The following ABCG1 variants were observed in gnomAD, a reference collection of about 807,000 sequenced individuals.
The protein encoded by ABCG1 is ATP-binding cassette sub-family G member 1.
In ABCG1, 29 loss-of-function variants were observed where a neutral mutation model predicts 69.2. That is an observed-to-expected ratio of 0.42 (90% confidence interval 0.31 to 0.57). The LOEUF (loss-of-function observed/expected upper bound fraction) is 0.57. ABCG1 is among the 20% of genes least tolerant of loss of function. The pLI is 0.15. For missense variants in ABCG1, 718 were observed against 898.1 expected (o/e 0.80, Z 2.56); for synonymous variants, 370 against 374.8 (o/e 0.99, Z 0.15).
At chr21:42,201,932 G>T (rs1268713160) in intron 2 of ABCG1, among the ~76,000 whole-genome samples, 2 of 152,166 alleles carry the variant, frequency 1.3e-5, no homozygotes, top group African/African-American at 2.4e-5. Flanking sequence ...GCCCTTCAGG[G>T]TCATCCCTCC....
chr21:42,283,178 C>A (rs987808969), intron 6 of ABCG1, among the ~76,000 whole-genome samples: 1 of 152,172 alleles, frequency 6.6e-6, no homozygotes, highest in Admixed American at 6.5e-5. Context: ...CAAAGTCCAG[C>A]GAGATTTGAC....
In ABCG1 at chr21:42,291,189, T is replaced by G; in HGVS notation, c.1491T>G (p.Phe497Leu). Reference protein sequence around the residue: ...YLAKTMADVPFQIMFPVAYCS... With the variant: ...YLAKTMADVPLQIMFPVAYCS... ...CCAAGACCATGGCAGACGTGCCCTT[T>G]CAGGTGTGTTAGCCAGGGGCTGGAA... is the stretch of plus-strand genomic sequence containing the variant. Residue 497 changes from phenylalanine to leucine, a missense_variant, in exon 12 of 15, where the codon TTT becomes TTG. Phe to Leu is a conservative substitution (Grantham distance 22). This residue lies in a region of ABCG1 where 204 missense variants were observed against 323.8 expected (regional missense o/e 0.63). Coordinates refer to ENST00000398449, the MANE Select transcript of ABCG1 (RefSeq NM_016818.3). The surrounding 1 kb of genome is among the most constrained non-coding windows in gnomAD (Gnocchi z 6.4). The G allele has an allele frequency of 6.2e-7, 1 of 1,612,254 alleles. No homozygotes were observed. Among genetic ancestry groups the G allele is most frequent in the South Asian group, 1.1e-5 (1 of 90,888 alleles).
chr21:42,283,253 C>T (rs2068847010), intron 6 of ABCG1, among the ~76,000 whole-genome samples: 1 of 152,184 alleles, frequency 6.6e-6, no homozygotes. Context: ...TCTCTTGGGC[C>T]TGCACAGTAA....
Position 42,283,657 on chromosome 21 carries a change from C to T in ABCG1, c.735-903C>T, listed in dbSNP as rs998105682. Reference sequence around the variant, plus strand: ...TGCCTGGACAGTTGTGAAGTCCCCCCCCACCCAAATGAGTGGGGAACCCCC... The same window carrying T: ...TGCCTGGACAGTTGTGAAGTCCCCCTCCACCCAAATGAGTGGGGAACCCCC... On this transcript the variant is annotated intron_variant, in intron 6 of 14. Coordinates refer to ENST00000398449, the MANE Select transcript of ABCG1 (RefSeq NM_016818.3). Among the ~76,000 whole-genome samples the T allele has an allele frequency of 4.4e-4, 64 of 145,326 alleles. 2 individuals are homozygous for T. The highest frequency in any genetic ancestry group is 1.6e-3 in the African/African-American group (64 of 39,948).
In ABCG1 at chr21:42,287,908, C is replaced by T. The variant is rs56140811; in HGVS notation, c.993C>T (p.Gly331=). 47,929 of 1,596,190 alleles carry T rather than the reference C, an allele frequency of 0.03. 864 individuals are homozygous for T. The highest frequency in any genetic ancestry group is 0.035 in the Non-Finnish European group (41,212 of 1,169,080). ...CTGCAGTCATGGAGGTTGCATCCGG[C>T]GAGTACGGTGATCAGAACAGTCGGC... ...PADFVMEVAS[G]EYGDQNSRLV... Residue 331 remains glycine (G), a synonymous_variant, in exon 9 of 15, where the codon GGC becomes GGT. Coordinates refer to ENST00000398449, the MANE Select transcript of ABCG1 (RefSeq NM_016818.3). This position sits in a 1 kb window ranked among gnomAD's most constrained non-coding sequence, Gnocchi z 6.2.
chr21:42,201,155 G>T (rs1431949396), intron 1 of ABCG1, among the ~76,000 whole-genome samples: 1 of 152,000 alleles, frequency 6.6e-6, no homozygotes, highest in East Asian at 1.9e-4. Context: ...ATACGTGTCT[G>T]CAAGCAGTTG....
chr21:42,294,420 T>G, intron 13 of ABCG1, 122 bp from the exon 14 acceptor site: 1 of 769,972 alleles, frequency 1.3e-6, no homozygotes, highest in Non-Finnish European at 2.3e-6. Context: ...TTAAGCATCA[T>G]CATTACCCTG....
At chr21:42,219,087 G>A (rs1174313200), upstream of ABCG1, 4 of 436,782 alleles carry the variant, frequency 9.2e-6, no homozygotes, top group African/African-American at 2.1e-5. The surrounding 1 kb of genome is among the most constrained non-coding windows in gnomAD (Gnocchi z 5.3). Flanking sequence ...CCAATCGCGC[G>A]CTCGGGGCGG....
Position 42,291,605 on chromosome 21 carries a change from G to A in ABCG1, c.1602G>A (p.Leu534=), listed in dbSNP as rs1418513265. The A allele has an allele frequency of 6.2e-7, 1 of 1,610,312 alleles. No individual in the cohort carries two copies. Among genetic ancestry groups the A allele is most frequent in the South Asian group, 1.1e-5 (1 of 91,080 alleles). The change falls in exon 13 of 15, where the codon CTG becomes CTA. Residue 534 remains leucine, a synonymous_variant. Transcript: ENST00000398449. This position sits in a 1 kb window ranked among gnomAD's most constrained non-coding sequence, Gnocchi z 6.4. ...LFAALGTMTS[L]VAQSLGLLIG... ...CCGCGCTGGGCACCATGACCTCCCT[G>A]GTGGCACAGTCCCTGGGCCTGCTGA...
chr21:42,245,134 G>A (rs1601384890), intron 2 of ABCG1, among the ~76,000 whole-genome samples: 2 of 152,268 alleles, frequency 1.3e-5, no homozygotes. Context: ...TGCCTGGAGG[G>A]GCTCCTCCAG....
At chr21:42,280,812 A>G (rs1056858106) in intron 5 of ABCG1, among the ~76,000 whole-genome samples, 7 of 152,232 alleles carry the variant, frequency 4.6e-5, no homozygotes, top group African/African-American at 1.7e-4. Context: ...AGCGTCGCCC[A>G]GTGGTTCCAG....
chr21:42,279,826 T>C (rs2123763525), intron 5 of ABCG1, among the ~76,000 whole-genome samples: 1 of 152,218 alleles, frequency 6.6e-6, no homozygotes, highest in South Asian at 2.1e-4. Context: ...AGCTGGCATC[T>C]TGGTGGAGAA....
At chr21:42,242,352 T>C (rs533379725) in intron 2 of ABCG1, among the ~76,000 whole-genome samples, 1 of 152,276 alleles carries the variant, frequency 6.6e-6, no homozygotes, top group East Asian at 1.9e-4. Context: ...GAAAATAAGA[T>C]GAGCAGAGCA....
In ABCG1 at chr21:42,276,070, G is replaced by T. The variant is rs2068704742; in HGVS notation, c.538-825G>T. Among the ~76,000 whole-genome samples, 1 of 150,438 alleles carries T rather than the reference G, an allele frequency of 6.6e-6. No homozygotes were observed. The highest frequency in any genetic ancestry group is 2.1e-4 in the South Asian group (1 of 4,808). On this transcript the variant is annotated intron_variant, in intron 4 of 14. Transcript: ENST00000398449. This position sits in a 1 kb window ranked among gnomAD's most constrained non-coding sequence, Gnocchi z 5.3. ...CACAGCAACTTCTCTAGCTAATGAG[G>T]TGGACAGAGCTTAACCTCACCATTG...
At chr21:42,234,170 G>C (rs1266675179) in intron 2 of ABCG1, among the ~76,000 whole-genome samples, 1 of 152,216 alleles carries the variant, frequency 6.6e-6, no homozygotes, top group African/African-American at 2.4e-5. Flanking sequence ...CAGAAGGGAA[G>C]GAGGGTGGAG....
chr21:42,260,677 G>C (rs1313757323), intron 2 of ABCG1, among the ~76,000 whole-genome samples: 1 of 152,074 alleles, frequency 6.6e-6, no homozygotes, highest in African/African-American at 2.4e-5. Context: ...GAGCCAAGGA[G>C]AGGAAAATAT....
chr21:42,218,344 G>T (rs1382594387), upstream of ABCG1, among the ~76,000 whole-genome samples: 2 of 152,180 alleles, frequency 1.3e-5, no homozygotes. Context: ...ATATAATAAG[G>T]GCTTTAGAGA....
rs1314846522 is a variant in ABCG1 at position 42,290,171 on chromosome 21, C to T, written c.1346C>T (p.Ser449Phe). The T allele has an allele frequency of 1.2e-6, 2 of 1,614,038 alleles. No homozygotes were observed. Among genetic ancestry groups the T allele is most frequent in the African/African-American group, 2.7e-5 (2 of 74,886 alleles). The part of the protein sequence containing the change: ...VLSNSGFLFF[S>F]MLFLMFAALM... ...AGCAACTCCGGCTTCCTCTTCTTCT[C>T]CATGCTGTTCCTCATGTTCGCGGCC... Residue 449 changes from serine (S) to phenylalanine (F), a missense_variant, in exon 11 of 15, where the codon TCC (serine) becomes TTC (phenylalanine). By Grantham distance (155) the Ser-to-Phe change is radical (BLOSUM62 -2). Around this residue, in one of 2 missense-constraint regions of ABCG1, gnomAD observed 204 missense variants for 323.8 expected, o/e 0.63. Transcript: ENST00000398449.
upstream of ABCG1, chr21:42,216,274 C>G (rs1316289961): frequency 2.9e-6 from 1 of 344,078 alleles, no homozygotes; most frequent in Non-Finnish European, 5.9e-6. Flanking sequence ...CTAATACAGA[C>G]AGGAAGTGGC....
Sources: gnomAD v4.1 joint callset for allele counts (sites outside exome capture counted in the v4.1 genomes callset) on GRCh38, gnomAD v4.1.1 for gene constraint, gnomAD v4.1.1 regional missense constraint, Gnocchi (gnomAD v3.1) non-coding constraint, MANE v1.5 for transcripts, NCBI Gene and HGNC (gene_info 2026-07-23, HGNC 2026-07-21) for gene names.